STIMATE: variants seen among roughly 807,000 people sequenced by gnomAD.
STIMATE encodes store-operated calcium entry regulator STIMATE.
STIMATE carries 15 observed loss-of-function variants against 36.7 expected under a neutral mutation model. The ratio of observed to expected loss-of-function variants is 0.41; its 90% CI spans 0.27 to 0.63. STIMATE has a LOEUF of 0.63. Ranked by LOEUF, STIMATE falls within the 20% of genes least tolerant of loss-of-function variation. The pLI is 0.32. For synonymous variants in STIMATE, 163 were observed against 162.3 expected (o/e 1.00, Z -0.03); for missense variants, 305 against 397.3 (o/e 0.77, Z 1.98).
chr3:52,860,645 C>T (rs1193143394), intron 1 of STIMATE, among the ~76,000 whole-genome samples: 1 of 152,200 alleles, frequency 6.6e-6, no homozygotes, highest in African/African-American at 2.4e-5. Context: ...TAGAGACAAC[C>T]ACCCACTCCC....
chr3:52,861,530 T>C (rs1170279290), intron 1 of STIMATE, among the ~76,000 whole-genome samples: 2 of 152,196 alleles, frequency 1.3e-5, no homozygotes, highest in Non-Finnish European at 2.9e-5. Flanking sequence ...TATGTGACTT[T>C]TGTATATCAC....
rs572759527 is a variant in STIMATE, at chr3:52,845,661, C to T, written c.428-720G>A. The stretch of plus-strand genomic sequence containing the variant: ...CCTTCAGTCACCATGCTTGAGAAAC[C>T]GAGGGACCTAGTAGTACAAGCTGGA... On this transcript the variant is annotated intron_variant, in intron 4 of 7. Coordinates refer to ENST00000355083, the MANE Select transcript of STIMATE (RefSeq NM_198563.5). Among the ~76,000 whole-genome samples, 168 of 152,288 alleles carry T rather than the reference C, an allele frequency of 1.1e-3. 2 individuals are homozygous for T. The highest frequency in any genetic ancestry group is 0.011 in the Admixed American group (163 of 15,300).
intron 2 of STIMATE, among the ~76,000 whole-genome samples, chr3:52,854,469 C>T (rs9682464): frequency 0.25 from 38,813 of 152,216 alleles, 5,229 homozygotes; most frequent in Admixed American, 0.39. Context: ...ATTTGGAGCG[C>T]TTCCGGGCTG....
Position 52,839,968 on chromosome 3 carries a change from C to T in STIMATE, c.*526G>A, listed in dbSNP as rs11626. 0.12 allele frequency: 18,476 copies of T among 152,702 alleles called. 1,238 individuals are homozygous for T. The highest frequency in any genetic ancestry group is 0.15 in the Non-Finnish European group (9,982 of 68,022). 9.5% of individuals were successfully genotyped at this position (152,702 alleles called of 1,614,324 possible). A position where few individuals can be genotyped will look rare whatever the true frequency, so the allele number is the denominator to read the frequency against. ...AACACATACCCCCAACCTGGTAACA[C>T]TGTCACAACTCATAAAACCAGCTTC... On this transcript the variant is annotated 3_prime_UTR_variant, in exon 8 of 8. Transcript: ENST00000355083.
rs1237847949 is a variant in STIMATE, at chr3:52,848,918, G to C, written c.427+874C>G. 2.0e-5 allele frequency among the ~76,000 whole-genome samples: 3 copies of C among 152,212 alleles called. No homozygotes were observed. The East Asian group carries it at 5.8e-4, about 29-fold the overall frequency. Reference sequence around the variant, plus strand: ...CCTGAGCTCATCTCCCCTCAACGGAGACAAACAATTACTTAACATTTCTGG... The same window carrying C: ...CCTGAGCTCATCTCCCCTCAACGGACACAAACAATTACTTAACATTTCTGG... On this transcript the variant is annotated intron_variant, in intron 4 of 7. Coordinates refer to ENST00000355083, the MANE Select transcript of STIMATE (RefSeq NM_198563.5).
At chr3:52,881,524 G>A (rs1006641307) in intron 1 of STIMATE, among the ~76,000 whole-genome samples, 1 of 152,088 alleles carries the variant, frequency 6.6e-6, no homozygotes, top group African/African-American at 2.4e-5. Context: ...CTAACAAGGT[G>A]AAACCCCGTC....
At position 52,849,891 on chromosome 3, in the gene STIMATE, C is replaced by A; in HGVS notation, c.328G>T (p.Asp110Tyr). 6.2e-7 allele frequency: 1 copy of A among 1,613,688 alleles called. No individual in the cohort carries two copies. The highest frequency in any genetic ancestry group is 8.5e-7 in the Non-Finnish European group (1 of 1,179,896). ...ATGAGCAGCATGCCCACAGTGGCGT[C>A]CAGGAGGAAGTTGATGAGGTACCTG... Reference protein sequence around the residue: ...CSLYLINFLLDATVGMLLIYV... With the variant: ...CSLYLINFLLYATVGMLLIYV... Residue 110 changes from aspartate to tyrosine, a missense_variant, in exon 4 of 8, where the codon GAC (aspartate) becomes TAC (tyrosine). Asp to Tyr is a radical substitution (Grantham distance 160). This residue lies in a region of STIMATE where 164 missense variants were observed against 257.9 expected (regional missense o/e 0.64). Coordinates refer to ENST00000355083, the MANE Select transcript of STIMATE (RefSeq NM_198563.5).
At chr3:52,847,409 C>T (rs1271341976) in intron 4 of STIMATE, 27 of 1,280,418 alleles carry the variant, frequency 2.1e-5, no homozygotes, top group Non-Finnish European at 2.7e-5. Context: ...ACCCAGATGT[C>T]AGGGCTTCCA....
intron 1 of STIMATE, among the ~76,000 whole-genome samples, chr3:52,858,719 C>T (rs1365159041): frequency 1.3e-5 from 2 of 152,194 alleles, no homozygotes; most frequent in African/African-American, 2.4e-5. Flanking sequence ...CAGATACATG[C>T]TATACAAGTA....
rs529666656 is a variant in STIMATE at position 52,839,882 on chromosome 3, T to A, written c.*612A>T. 6.6e-6 allele frequency: 1 copy of A among 152,624 alleles called. No homozygotes were observed. Among genetic ancestry groups the A allele is most frequent in the Non-Finnish European group, 1.5e-5 (1 of 68,042 alleles). The allele number at this position is 152,624 out of a possible 1,614,324, so 9.5% of individuals were successfully genotyped here. A position where few individuals can be genotyped will look rare whatever the true frequency, so the allele number is the denominator to read the frequency against. ...TTAAAAATATAAAAGTCAAACAGCA[T>A]ACGGAAGACTTAAAAATCTCTGTTT... On this transcript the variant is annotated 3_prime_UTR_variant, in exon 8 of 8. Coordinates refer to ENST00000355083, the MANE Select transcript of STIMATE (RefSeq NM_198563.5).
chr3:52,863,019 A>T (rs1387110926), intron 1 of STIMATE, among the ~76,000 whole-genome samples: 2 of 152,204 alleles, frequency 1.3e-5, no homozygotes, highest in African/African-American at 2.4e-5. Flanking sequence ...GAGCTGCTGG[A>T]GGGAGTGTGG....
intron 2 of STIMATE, among the ~76,000 whole-genome samples, chr3:52,853,083 T>C (rs999957047): frequency 6.6e-6 from 1 of 152,178 alleles, no homozygotes; most frequent in African/African-American, 2.4e-5. Context: ...ACAAATCCAG[T>C]ACTGCAGCTG....
chr3:52,885,618 T>C (rs1701677831), intron 1 of STIMATE, among the ~76,000 whole-genome samples: 1 of 152,204 alleles, frequency 6.6e-6, no homozygotes, highest in South Asian at 2.1e-4. Flanking sequence ...ACACAAGAGA[T>C]CTGTTCATAA....
At chr3:52,877,454 AG>A (rs1701519015) in intron 1 of STIMATE, among the ~76,000 whole-genome samples, 1 of 152,202 alleles carries the variant, frequency 6.6e-6, no homozygotes, top group East Asian at 1.9e-4. Flanking sequence ...GTGCCATGGC[AG>A]GGGGCACAGA....
intron 1 of STIMATE, among the ~76,000 whole-genome samples, chr3:52,868,152 A>C (rs1055466937): frequency 2.0e-5 from 3 of 152,236 alleles, no homozygotes; most frequent in African/African-American, 7.2e-5. Context: ...AATGCCCTGT[A>C]GTAGGGCTAA....
At position 52,843,946 on chromosome 3, in the gene STIMATE, T is replaced by C. The variant is rs887108243; in HGVS notation, c.541-148A>G. On this transcript the variant is annotated intron_variant, in intron 5 of 7. Coordinates refer to ENST00000355083, the MANE Select transcript of STIMATE (RefSeq NM_198563.5). ...TGGGAGCAGCACCTCATGCCTAGGGTTCCCAGATGAGACTGTCCACAAGGA... is the reference window on the plus strand; with the variant it reads ...TGGGAGCAGCACCTCATGCCTAGGGCTCCCAGATGAGACTGTCCACAAGGA... 4 of 1,030,050 alleles carry C rather than the reference T, an allele frequency of 3.9e-6. No homozygotes were observed. The Admixed American group carries it at 8.0e-5, about 21-fold the overall frequency. The allele number at this position is 1,030,050 out of a possible 1,614,324, so 63.8% of individuals were successfully genotyped here.
rs559938705 is a variant in STIMATE at position 52,843,033 on chromosome 3, G to T, written c.619-73C>A. ...AAGCAAAGCCGAACAGCCCCCATCC[G>T]CCCACTCCCATTCCAGGTTATAAGA... On this transcript the variant is annotated intron_variant, in intron 6 of 7. Transcript: ENST00000355083. 11 of 1,594,730 alleles carry T rather than the reference G, an allele frequency of 6.9e-6. No individual in the cohort carries two copies. In the Admixed American group the frequency reaches 1.7e-4, roughly 25 times the overall value.
intron 1 of STIMATE, among the ~76,000 whole-genome samples, chr3:52,886,921 A>C (rs1283987746): frequency 1.3e-5 from 2 of 152,242 alleles, no homozygotes; most frequent in Non-Finnish European, 2.9e-5. Context: ...AGAAAATATC[A>C]GACAAACCCA....
chr3:52,845,938 CG>C (rs10719008), intron 4 of STIMATE, among the ~76,000 whole-genome samples: 121,207 of 128,732 alleles, frequency 0.94, 56,910 homozygotes, highest in East Asian at 1. Context: ...TTGGGGGTGG[CG>C]GGGGGGCGGG....
Sources: allele counts gnomAD v4.1 joint callset (sites outside exome capture counted in the v4.1 genomes callset), GRCh38; gene constraint gnomAD v4.1.1; regional missense constraint gnomAD v4.1.1; transcripts MANE v1.5; gene names NCBI Gene and HGNC (gene_info 2026-07-23, HGNC 2026-07-21).